The following WASL variants were observed in gnomAD, a reference collection of about 807,000 sequenced individuals.
WASL encodes the protein actin nucleation-promoting factor WASL.
WASL carries 20 observed loss-of-function variants against 55.5 expected under a neutral mutation model. The observed-to-expected ratio is 0.36, with a 90% CI of 0.25 to 0.52. The LOEUF (loss-of-function observed/expected upper bound fraction) is 0.52, where lower values mean the gene tolerates loss of function less well. Ranked by LOEUF, WASL falls within the 20% of genes least tolerant of loss-of-function variation. The pLI is 0.92. For synonymous variants in WASL, 249 were observed against 217.6 expected (o/e 1.14, Z -1.27); for missense variants, 504 against 622.5 (o/e 0.81, Z 2.03).
rs375824016 is a variant in WASL at position 123,721,111 on chromosome 7, C to A, written c.118-11888G>T. 1.6e-4 allele frequency among the ~76,000 whole-genome samples: 25 copies of A among 152,280 alleles called. No homozygotes were observed. In the East Asian group the frequency reaches 4.6e-3, roughly 28 times the overall value. ...AGGGAGATAGCCAGTCTATAATGAA[C>A]AACAAAGTCTTTGATTTCTTTTACA... On this transcript the variant is annotated intron_variant, in intron 1 of 10. Transcript: ENST00000223023.
intron 9 of WASL, among the ~76,000 whole-genome samples, chr7:123,692,060 T>C (rs1422086716): frequency 1.3e-5 from 2 of 152,270 alleles, no homozygotes; most frequent in Admixed American, 1.3e-4. Flanking sequence ...AGTGATTGTT[T>C]ATGGAAAAAT....
intron 1 of WASL, among the ~76,000 whole-genome samples, chr7:123,735,574 A>G (rs1804214070): frequency 6.6e-6 from 1 of 152,162 alleles, no homozygotes; most frequent in Non-Finnish European, 1.5e-5. Flanking sequence ...TAGCTAGAGC[A>G]AAGACTGGAC....
At position 123,706,815 on chromosome 7, in the gene WASL, T is replaced by C; in HGVS notation, c.264A>G (p.Leu88=). ...TATTGTATAGCTCTTGTTCCCACAA[T>C]AGTTTCCCATCCTAGAAAAAAGTTA... is the stretch of plus-strand genomic sequence containing the variant. ...LRIFDIKDGK[L]LWEQELYNNF... Residue 88 remains leucine (L), a synonymous_variant, in exon 3 of 11, where the codon CTA becomes CTG. Coordinates refer to ENST00000223023, the MANE Select transcript of WASL (RefSeq NM_003941.4). 6.4e-7 allele frequency: 1 copy of C among 1,550,786 alleles called. No individual in the cohort carries two copies. Among genetic ancestry groups the C allele is most frequent in the Non-Finnish European group, 8.7e-7 (1 of 1,153,680 alleles).
In WASL at chr7:123,706,366, T is replaced by A; in HGVS notation, c.347A>T (p.Gln116Leu). 6.2e-7 allele frequency: 1 copy of A among 1,613,242 alleles called. No individual in the cohort carries two copies. The highest frequency in any genetic ancestry group is 8.5e-7 in the Non-Finnish European group (1 of 1,179,554). ...YFHTFAGDTC[Q>L]VALNFANEEE... ...TTCATTGGCAAAATTAAGAGCAACT[T>A]GACAAGTCTGAAATATTTTCATCAC... is the stretch of plus-strand genomic sequence containing the variant. Residue 116 changes from glutamine to leucine, a missense_variant, in exon 4 of 11, where the codon CAA becomes CTA. Physicochemically the swap from Gln to Leu is moderately radical, Grantham distance 113 (BLOSUM62 -2). Coordinates refer to ENST00000223023, the MANE Select transcript of WASL (RefSeq NM_003941.4).
At chr7:123,728,309 G>A (rs920660764) in intron 1 of WASL, among the ~76,000 whole-genome samples, 1 of 152,128 alleles carries the variant, frequency 6.6e-6, no homozygotes, top group African/African-American at 2.4e-5. Context: ...ATTTGGCAAG[G>A]CAAAAATTAA....
At chr7:123,703,955 G>A (rs1803628903) in intron 5 of WASL, among the ~76,000 whole-genome samples, 1 of 152,096 alleles carries the variant, frequency 6.6e-6, no homozygotes, top group Admixed American at 6.5e-5. Flanking sequence ...AACATATTTA[G>A]CACACAATTT....
In WASL at chr7:123,692,562, G is replaced by C; in HGVS notation, c.1132C>G (p.Pro378Ala). ...VGPVAPPPPP[P>A]PPPPPGPPPP... is the part of the protein sequence containing the mutation. ...GGTGGCCCAGGAGGAGGTGGAGGTG[G>C]AGGCGGTGGGGGTGGTGCCACTGGC... The change falls in exon 9 of 11, where the codon CCA becomes GCA. Residue 378 changes from proline (P) to alanine (A), a missense_variant. By Grantham distance (27) the Pro-to-Ala change is conservative (BLOSUM62 -1). Transcript: ENST00000223023. 1 of 1,613,656 alleles carries C rather than the reference G, an allele frequency of 6.2e-7. No homozygotes were observed. Among genetic ancestry groups the C allele is most frequent in the Non-Finnish European group, 8.5e-7 (1 of 1,179,724 alleles).
intron 1 of WASL, among the ~76,000 whole-genome samples, chr7:123,714,482 A>G (rs1472808): frequency 0.75 from 113,869 of 152,164 alleles, 42,936 homozygotes; most frequent in South Asian, 0.83. Context: ...AAAGCATAAA[A>G]TAACAAACAG....
In WASL at chr7:123,692,741, G is replaced by A; in HGVS notation, c.953C>T (p.Pro318Leu). 1 of 1,510,118 alleles carries A rather than the reference G, an allele frequency of 6.6e-7. No individual in the cohort carries two copies. The highest frequency in any genetic ancestry group is 8.8e-7 in the Non-Finnish European group (1 of 1,131,470). 93.5% of individuals were successfully genotyped at this position (1,510,118 alleles called of 1,614,324 possible). Residue 318 changes from proline to leucine, a missense_variant, in exon 9 of 11, where the codon CCC (proline) becomes CTC (leucine). Coordinates refer to ENST00000223023, the MANE Select transcript of WASL (RefSeq NM_003941.4). The stretch of plus-strand genomic sequence containing the variant: ...AGGCGGTGGTGGAGGTGCAGCTGTG[G>A]GAGCTCTTGAAGGTGGTGGGGGAGG... The part of the protein sequence containing the change: ...GAPPPPPSRA[P>L]TAAPPPPPPS...
intron 10 of WASL, among the ~76,000 whole-genome samples, chr7:123,686,225 T>C (rs1803287057): frequency 6.6e-6 from 1 of 151,892 alleles, no homozygotes; most frequent in Non-Finnish European, 1.5e-5. Context: ...TTTATTTAAG[T>C]CTCATGGTCA....
intron 1 of WASL, among the ~76,000 whole-genome samples, chr7:123,726,331 T>C (rs1291122138): frequency 6.6e-6 from 1 of 152,190 alleles, no homozygotes; most frequent in Non-Finnish European, 1.5e-5. Context: ...AAAAAATTCA[T>C]ATGATCATCT....
At chr7:123,727,392 C>A (rs899387524) in intron 1 of WASL, among the ~76,000 whole-genome samples, 4 of 149,258 alleles carry the variant, frequency 2.7e-5, no homozygotes, top group Non-Finnish European at 4.5e-5. Context: ...CAAACTTATA[C>A]AAGAACACAG....
intron 1 of WASL, among the ~76,000 whole-genome samples, chr7:123,719,060 CTACT>C (rs1803892930): frequency 6.6e-6 from 1 of 152,204 alleles, no homozygotes; most frequent in Non-Finnish European, 1.5e-5. Flanking sequence ...CACTAAAACT[CTACT>C]TGTCACATCA....
chr7:123,692,029 CT>C (rs748393282), intron 9 of WASL, among the ~76,000 whole-genome samples: 3 of 152,242 alleles, frequency 2.0e-5, no homozygotes, highest in Admixed American at 6.5e-5. Flanking sequence ...ATAGGTAAAA[CT>C]AATCTATGGT....
Position 123,732,316 on chromosome 7 carries a change from C to T in WASL, c.117+16302G>A, listed in dbSNP as rs797001671. Among the ~76,000 whole-genome samples the T allele has an allele frequency of 6.6e-5, 10 of 151,776 alleles. No homozygotes were observed. In the South Asian group the frequency reaches 1.7e-3, roughly 25 times the overall value. ...CTGCACTCCAGCCTGGGTGATAGAGCGAGACTCTGTCTCGAAAAATAAAAA... is the reference window on the plus strand; with the variant it reads ...CTGCACTCCAGCCTGGGTGATAGAGTGAGACTCTGTCTCGAAAAATAAAAA... On this transcript the variant is annotated intron_variant, in intron 1 of 10. Transcript: ENST00000223023.
chr7:123,736,949 T>G (rs1804243370), intron 1 of WASL, among the ~76,000 whole-genome samples: 1 of 152,312 alleles, frequency 6.6e-6, no homozygotes, highest in South Asian at 2.1e-4. Flanking sequence ...CTTATCAAAC[T>G]GTATCATCAT....
chr7:123,706,141 G>A, intron 4 of WASL, 136 bp downstream of exon 4: 1 of 801,964 alleles, frequency 1.2e-6, no homozygotes, highest in Non-Finnish European at 1.9e-6. Flanking sequence ...ACAAAAAATA[G>A]CCAAAGACAA....
At chr7:123,735,328 C>A (rs1804207441) in intron 1 of WASL, among the ~76,000 whole-genome samples, 2 of 142,762 alleles carry the variant, frequency 1.4e-5, no homozygotes, top group Admixed American at 1.4e-4. Flanking sequence ...TTAAAAGAGT[C>A]AAGGTAAATT....
chr7:123,705,354 G>A (rs1278236130), intron 4 of WASL, among the ~76,000 whole-genome samples: 1 of 152,166 alleles, frequency 6.6e-6, no homozygotes, highest in African/African-American at 2.4e-5. Context: ...AGATCTGAGT[G>A]GGGCTAAGGT....
Sources: gnomAD v4.1 joint callset for allele counts (sites outside exome capture counted in the v4.1 genomes callset) on GRCh38, gnomAD v4.1.1 for gene constraint, MANE v1.5 for transcripts, NCBI Gene and HGNC (gene_info 2026-07-23, HGNC 2026-07-21) for gene names.